The following VDAC1 variants were observed in gnomAD, a reference collection of about 807,000 sequenced individuals.
VDAC1 encodes voltage dependent anion channel 1.
VDAC1 carries 10 observed loss-of-function variants against 34.7 expected under a neutral mutation model. The observed-to-expected ratio is 0.29, with a 90% CI of 0.18 to 0.49. The LOEUF is 0.49. Among genes scored for constraint, VDAC1 ranks in the 20% least tolerant of loss-of-function variants. The pLI is 0.99. For synonymous variants in VDAC1, 130 were observed against 136.0 expected (o/e 0.96, Z 0.30); for missense variants, 230 against 347.9 (o/e 0.66, Z 2.69).
intron 1 of VDAC1, among the ~76,000 whole-genome samples, chr5:134,002,763 G>C (rs1022779986): frequency 1.7e-4 from 26 of 152,116 alleles, no homozygotes; most frequent in Admixed American, 1.7e-3. Context: ...CCAGGAGTTT[G>C]AGATCAGCCT....
At chr5:134,068,205 T>C in the VDAC1 span, among the ~76,000 whole-genome samples, 1 of 152,206 alleles carries the variant, frequency 6.6e-6, no homozygotes, top group Non-Finnish European at 1.5e-5. Context: ...AGTTTATTTT[T>C]TTTTCTCATT....
the VDAC1 span, among the ~76,000 whole-genome samples, chr5:134,074,999 C>T: frequency 2.6e-5 from 4 of 152,148 alleles, no homozygotes; most frequent in Non-Finnish European, 4.4e-5. Flanking sequence ...TGGTACAGCT[C>T]GTCCAGCCAT....
chr5:134,104,936 C>T, the VDAC1 span, among the ~76,000 whole-genome samples: 10 of 152,278 alleles, frequency 6.6e-5, no homozygotes, highest in African/African-American at 2.2e-4. Context: ...GGGTCCCAAG[C>T]GGTTCCTTGA....
intron 5 of VDAC1, among the ~76,000 whole-genome samples, chr5:133,986,436 G>A (rs753834594): frequency 2.3e-4 from 35 of 151,574 alleles, no homozygotes; most frequent in African/African-American, 3.4e-4. Context: ...TTGCTCTGTC[G>A]CCCACATTGG....
chr5:134,084,768 G>T, the VDAC1 span, among the ~76,000 whole-genome samples: 3,027 of 152,364 alleles, frequency 0.02, 85 homozygotes, highest in African/African-American at 0.069. Flanking sequence ...ACCTGCCAGG[G>T]GTTAGGCTGA....
At chr5:134,048,347 G>A in the VDAC1 span, among the ~76,000 whole-genome samples, 1 of 148,990 alleles carries the variant, frequency 6.7e-6, no homozygotes, top group Admixed American at 6.7e-5. Flanking sequence ...GCTCACTGCA[G>A]CCTCTGCCTC....
the VDAC1 span, among the ~76,000 whole-genome samples, chr5:134,102,047 A>C: frequency 6.6e-6 from 1 of 152,226 alleles, no homozygotes; most frequent in Admixed American, 6.5e-5. Context: ...CAGCGGCAGC[A>C]GCTGTGATGG....
chr5:134,033,338 A>G, the VDAC1 span, among the ~76,000 whole-genome samples: 1 of 151,486 alleles, frequency 6.6e-6, no homozygotes. Context: ...TTATATTTTT[A>G]ATAGAGACGG....
intron 8 of VDAC1, 148 bp downstream of exon 8, chr5:133,973,643 A>G: frequency 1.5e-6 from 1 of 665,862 alleles, no homozygotes; most frequent in Non-Finnish European, 2.5e-6. Context: ...ATACTCCTTT[A>G]TAAACATTTA....
the VDAC1 span, among the ~76,000 whole-genome samples, chr5:134,016,998 T>A: frequency 6.6e-5 from 10 of 152,216 alleles, no homozygotes. Flanking sequence ...CATGTGCCCC[T>A]CTCCTGGGCA....
the VDAC1 span, among the ~76,000 whole-genome samples, chr5:134,079,514 G>A: frequency 6.6e-6 from 1 of 152,236 alleles, no homozygotes; most frequent in Admixed American, 6.5e-5. Context: ...AAAAGCCTGG[G>A]AGGTGCCTTC....
At chr5:134,038,609 T>G in the VDAC1 span, among the ~76,000 whole-genome samples, 1 of 152,196 alleles carries the variant, frequency 6.6e-6, no homozygotes, top group Non-Finnish European at 1.5e-5. Flanking sequence ...GCTACAGCAT[T>G]GTTTTGTGAA....
the VDAC1 span, among the ~76,000 whole-genome samples, chr5:134,089,869 G>A: frequency 6.6e-6 from 1 of 152,210 alleles, no homozygotes; most frequent in Admixed American, 6.5e-5. Context: ...GCGCATGCCT[G>A]TAATCTAAGC....
At chr5:134,050,918 G>T in the VDAC1 span, among the ~76,000 whole-genome samples, 1 of 152,192 alleles carries the variant, frequency 6.6e-6, no homozygotes, top group South Asian at 2.1e-4. Context: ...TGGGGATAAG[G>T]AAGGGCCTTG....
At chr5:134,012,192 CCT>C in the VDAC1 span, among the ~76,000 whole-genome samples, 1 of 152,140 alleles carries the variant, frequency 6.6e-6, no homozygotes, top group Non-Finnish European at 1.5e-5. Context: ...AACAGATTCT[CCT>C]CCCAAGGCCT....
the VDAC1 span, among the ~76,000 whole-genome samples, chr5:134,070,308 A>T: frequency 1.3e-5 from 2 of 151,578 alleles, no homozygotes; most frequent in Admixed American, 1.3e-4. Flanking sequence ...TGCTCGGTTA[A>T]TTTTTTTTAT....
At chr5:133,981,867 A>AG (rs1752713560) in intron 5 of VDAC1, among the ~76,000 whole-genome samples, 1 of 152,244 alleles carries the variant, frequency 6.6e-6, no homozygotes, top group Non-Finnish European at 1.5e-5. Flanking sequence ...CAGAGACCAC[A>AG]GGAGGAACCA....
chr5:134,072,536 G>T, the VDAC1 span, among the ~76,000 whole-genome samples: 3 of 152,162 alleles, frequency 2.0e-5, no homozygotes, highest in Non-Finnish European at 2.9e-5. Context: ...CAGCACACTG[G>T]GGGGAAAGGA....
At chr5:134,091,666 G>GA in the VDAC1 span, among the ~76,000 whole-genome samples, 5 of 151,512 alleles carry the variant, frequency 3.3e-5, no homozygotes, top group Non-Finnish European at 7.3e-5. Context: ...GGTACAAGCA[G>GA]AAAAAACAGA....
Sources: allele counts gnomAD v4.1 joint callset (sites outside exome capture counted in the v4.1 genomes callset), GRCh38; gene constraint gnomAD v4.1.1; transcripts MANE v1.5; gene names NCBI Gene and HGNC (gene_info 2026-07-23, HGNC 2026-07-21).